RIMS2: variants seen among roughly 807,000 people sequenced by gnomAD.
RIMS2 encodes regulating synaptic membrane exocytosis 2.
RIMS2 carries 59 observed loss-of-function variants against 174.4 expected under a neutral mutation model. The ratio of observed to expected loss-of-function variants is 0.34; its 90% CI spans 0.27 to 0.42. The LOEUF (loss-of-function observed/expected upper bound fraction) is 0.42. Ranked by LOEUF, RIMS2 falls within the 10% of genes least tolerant of loss-of-function variation. The pLI is 1.00. For synonymous variants in RIMS2, 606 were observed against 572.5 expected (o/e 1.06, Z -0.84); for missense variants, 1,620 against 1,666.3 (o/e 0.97, Z 0.48).
intron 19 of RIMS2, among the ~76,000 whole-genome samples, chr8:104,184,137 G>A (rs1313654266): frequency 6.6e-6 from 1 of 151,580 alleles, no homozygotes; most frequent in South Asian, 2.1e-4. Context: ...AGTTATGTGG[G>A]AAATGTACAT....
chr8:103,828,560 A>C (rs1036772787), intron 3 of RIMS2, among the ~76,000 whole-genome samples: 1 of 152,170 alleles, frequency 6.6e-6, no homozygotes, highest in Non-Finnish European at 1.5e-5. Flanking sequence ...TTTGCTGTGC[A>C]GTGGCTCTTT....
rs568607699 is a variant in RIMS2, at chr8:103,909,506, G to T, written c.1625-628G>T. ...ATATTAAGTGATTCATGATGTTTAA[G>T]TAAAGTTTATTTTTACTAATAGATA... is the stretch of plus-strand genomic sequence containing the variant. On this transcript the variant is annotated intron_variant, in intron 4 of 23. Coordinates refer to ENST00000504942, the Ensembl canonical transcript of RIMS2. Among the ~76,000 whole-genome samples, 4 of 152,128 alleles carry T rather than the reference G, an allele frequency of 2.6e-5. No individual in the cohort carries two copies. In the East Asian group the frequency reaches 7.7e-4, roughly 29 times the overall value.
intron 16 of RIMS2, among the ~76,000 whole-genome samples, chr8:103,985,845 G>T (rs768159234): frequency 1.8e-4 from 27 of 152,124 alleles, no homozygotes; most frequent in Non-Finnish European, 3.2e-4. Flanking sequence ...AGGGCATTAT[G>T]TTAGGTGAAA....
chr8:103,918,429 T>C lies in RIMS2; in HGVS notation c.2037-12T>C. 2 of 1,511,462 alleles carry C rather than the reference T, an allele frequency of 1.3e-6. No homozygotes were observed. Among genetic ancestry groups the C allele is most frequent in the Non-Finnish European group, 1.8e-6 (2 of 1,122,364 alleles). The allele number at this position is 1,511,462 out of a possible 1,614,324, so 93.6% of individuals were successfully genotyped here. A position where few individuals can be genotyped will look rare whatever the true frequency, so the allele number is the denominator to read the frequency against. On this transcript the variant is annotated splice_polypyrimidine_tract_variant and intron_variant, in intron 8 of 23. Transcript: ENST00000504942. ...CAGTTTCTGTCTTTCTTTTTTTTTT[T>C]AATCATTTCAGAGATATACCGCGAA...
intron 3 of RIMS2, among the ~76,000 whole-genome samples, chr8:103,876,905 T>TAC (rs201317388): frequency 0.016 from 989 of 61,082 alleles, 11 homozygotes; most frequent in Non-Finnish European, 0.029. Context: ...TATATATATA[T>TAC]ATATACACAC....
At chr8:103,742,319 G>A (rs2097769571) in intron 2 of RIMS2, among the ~76,000 whole-genome samples, 2 of 152,044 alleles carry the variant, frequency 1.3e-5, no homozygotes, top group Admixed American at 1.3e-4. Flanking sequence ...TCCTGGGCAA[G>A]TCTCTTAATG....
chr8:104,049,467 C>T (rs1362636648), intron 19 of RIMS2, among the ~76,000 whole-genome samples: 2 of 151,994 alleles, frequency 1.3e-5, no homozygotes, highest in Non-Finnish European at 1.5e-5. Flanking sequence ...CGAAGCCATG[C>T]TTTTGTTAAA....
intron 19 of RIMS2, among the ~76,000 whole-genome samples, chr8:104,128,462 C>T (rs924389976): frequency 1.3e-5 from 2 of 152,064 alleles, no homozygotes; most frequent in Non-Finnish European, 2.9e-5. Context: ...TTTGGGAGGC[C>T]GAGGTGGGTG....
chr8:103,763,401 A>G (rs2098133259), intron 2 of RIMS2, among the ~76,000 whole-genome samples: 1 of 151,718 alleles, frequency 6.6e-6, no homozygotes. Flanking sequence ...GTGCCGCTGA[A>G]CTCCAGCCTA....
intron 19 of RIMS2, among the ~76,000 whole-genome samples, chr8:104,163,539 GACCTT>G (rs2098777256): frequency 6.6e-6 from 1 of 152,138 alleles, no homozygotes; most frequent in Admixed American, 6.6e-5. Flanking sequence ...AAAGACAAAT[GACCTT>G]TTGATTTAAA....
chr8:103,562,704 CTG>C (rs961853369), intron 1 of RIMS2, among the ~76,000 whole-genome samples: 8 of 152,166 alleles, frequency 5.3e-5, no homozygotes, highest in African/African-American at 1.7e-4. Flanking sequence ...AATAGGGACA[CTG>C]TGTGGAGACT....
At chr8:104,032,279 A>G (rs560439117) in intron 19 of RIMS2, among the ~76,000 whole-genome samples, 1 of 152,240 alleles carries the variant, frequency 6.6e-6, no homozygotes, top group Admixed American at 6.5e-5. Context: ...GAAGAGGGTT[A>G]GCATAGTATG....
rs75536663 is a variant in RIMS2 at position 103,506,582 on chromosome 8, T to C, written c.176+5520T>C. On this transcript the variant is annotated intron_variant, in intron 1 of 23. Coordinates refer to ENST00000504942, the Ensembl canonical transcript of RIMS2. ...CTATTTTGAAGGATTGTGATTGTTATAGACTAAGTATCCTGGCATAAGTAG... is the reference window on the plus strand; with the variant it reads ...CTATTTTGAAGGATTGTGATTGTTACAGACTAAGTATCCTGGCATAAGTAG... Among the ~76,000 whole-genome samples, 3 of 152,192 alleles carry C rather than the reference T, an allele frequency of 2.0e-5. No individual in the cohort carries two copies. The East Asian group carries it at 5.8e-4, about 29-fold the overall frequency.
At chr8:103,647,918 G>A in intron 1 of RIMS2, among the ~76,000 whole-genome samples, 1 of 108,004 alleles carries the variant, frequency 9.3e-6, no homozygotes, top group South Asian at 2.6e-4. Context: ...TTTAATTTTT[G>A]TATCACCTTC....
intron 1 of RIMS2, among the ~76,000 whole-genome samples, chr8:103,606,682 C>T (rs1456736552): frequency 2.0e-5 from 3 of 152,110 alleles, no homozygotes; most frequent in Non-Finnish European, 4.4e-5. Flanking sequence ...AATCTGGGTG[C>T]TCCTATATTG....
intron 19 of RIMS2, among the ~76,000 whole-genome samples, chr8:104,111,462 C>T (rs1283659082): frequency 6.6e-6 from 1 of 152,198 alleles, no homozygotes; most frequent in East Asian, 1.9e-4. Flanking sequence ...GGCTGGAGTG[C>T]AGTGGTGCGA....
intron 17 of RIMS2, among the ~76,000 whole-genome samples, chr8:104,003,346 CATT>C (rs2095459658): frequency 6.6e-6 from 1 of 151,324 alleles, no homozygotes; most frequent in Non-Finnish European, 1.5e-5. Context: ...ATTGTTGTAA[CATT>C]ATTGGCAAGG....
chr8:103,621,100 A>G (rs1010081493), intron 1 of RIMS2, among the ~76,000 whole-genome samples: 1 of 152,240 alleles, frequency 6.6e-6, no homozygotes, highest in African/African-American at 2.4e-5. Flanking sequence ...GAGTTCCCTG[A>G]AAGTAGGGAT....
intron 19 of RIMS2, among the ~76,000 whole-genome samples, chr8:104,233,083 C>T (rs566853662): frequency 1.3e-5 from 2 of 151,896 alleles, no homozygotes; most frequent in Non-Finnish European, 2.9e-5. Context: ...CAGACAAGAA[C>T]GGGGGGAAAT....
Sources: allele counts gnomAD v4.1 joint callset (sites outside exome capture counted in the v4.1 genomes callset), GRCh38; gene constraint gnomAD v4.1.1; transcripts MANE v1.5; gene names NCBI Gene and HGNC (gene_info 2026-07-23, HGNC 2026-07-21).